Variants in GRIK4 observed in about 807,000 individuals in gnomAD.
GRIK4 encodes glutamate receptor ionotropic, kainate 4.
In GRIK4, 40 loss-of-function variants were observed where a neutral mutation model predicts 104.9. The ratio of observed to expected loss-of-function variants is 0.38; its 90% CI spans 0.30 to 0.50. The LOEUF is 0.50. Ranked by LOEUF, GRIK4 falls within the 20% of genes least tolerant of loss-of-function variation. The pLI is 0.93. For synonymous variants in GRIK4, 485 were observed against 524.9 expected, an observed-to-expected ratio of 0.92 and a Z score of 1.04; for missense variants, 1,047 against 1,308.1, an observed-to-expected ratio of 0.80 and a Z score of 3.08.
intron 19 of GRIK4, among the ~76,000 whole-genome samples, chr11:120,973,628 C>T (rs1591349746): frequency 6.6e-6 from 1 of 152,188 alleles, no homozygotes; most frequent in African/African-American, 2.4e-5. Context: ...CAGCTACTGT[C>T]CCAGCCATAG....
intron 14 of GRIK4, among the ~76,000 whole-genome samples, chr11:120,947,472 T>C (rs115153328): frequency 5.9e-5 from 9 of 152,088 alleles, no homozygotes; most frequent in African/African-American, 2.2e-4. Context: ...GCTGGATATA[T>C]TACCCGCTTT....
At chr11:120,885,739 C>A (rs990916265) in intron 11 of GRIK4, among the ~76,000 whole-genome samples, 2 of 152,162 alleles carry the variant, frequency 1.3e-5, no homozygotes, top group Admixed American at 6.5e-5. Flanking sequence ...GAAAGGAGAT[C>A]TGAGCATCCT....
rs1455798350 is a variant in GRIK4 at position 120,905,259 on chromosome 11, T to C, written c.1273-31T>C. ...CGCGGGTGAGACACCAGGGCTAAGA[T>C]GAGAATGACAGCTGCCCAGTTTTGC... On this transcript the variant is annotated intron_variant, in intron 12 of 20. Coordinates refer to ENST00000527524, the MANE Select transcript of GRIK4 (RefSeq NM_014619.5). The surrounding 1 kb of genome is among the most constrained non-coding windows in gnomAD (Gnocchi z 5.1). 7 of 1,516,318 alleles carry C rather than the reference T, an allele frequency of 4.6e-6. No homozygotes were observed. The highest frequency in any genetic ancestry group is 5.5e-6 in the Non-Finnish European group (6 of 1,091,644). The allele number at this position is 1,516,318 out of a possible 1,614,324, so 93.9% of individuals were successfully genotyped here. A position where few individuals can be genotyped will look rare whatever the true frequency, so the allele number is the denominator to read the frequency against.
rs113650506 is a variant in GRIK4, at chr11:120,967,190, C to T, written c.2267-5C>T. The T allele has an allele frequency of 4.7e-4, 765 of 1,612,002 alleles. No individual in the cohort carries two copies. The highest frequency in any genetic ancestry group is 6.2e-4 in the Non-Finnish European group (729 of 1,178,918). On this transcript the variant is annotated splice_region_variant and splice_polypyrimidine_tract_variant and intron_variant, in intron 18 of 20. Coordinates refer to ENST00000527524, the MANE Select transcript of GRIK4 (RefSeq NM_014619.5). The surrounding 1 kb of genome is among the most constrained non-coding windows in gnomAD (Gnocchi z 4.2). Reference sequence around the variant, plus strand: ...GTGTCCTGGGCTCTCCCGTAACCCCCGCAGGCTCGGTTTTCCGGGACGAGT... The same window carrying T: ...GTGTCCTGGGCTCTCCCGTAACCCCTGCAGGCTCGGTTTTCCGGGACGAGT...
At chr11:120,777,532 A>G (rs968110723) in intron 3 of GRIK4, among the ~76,000 whole-genome samples, 23 of 152,258 alleles carry the variant, frequency 1.5e-4, no homozygotes, top group African/African-American at 5.5e-4. Context: ...GGGGCACAGC[A>G]GTAAACAAAA....
chr11:120,584,732 G>A (rs1565561111), intron 1 of GRIK4, among the ~76,000 whole-genome samples: 1 of 152,202 alleles, frequency 6.6e-6, no homozygotes, highest in Non-Finnish European at 1.5e-5. Flanking sequence ...TTTGAGGTAT[G>A]TTCCTTCAGT....
intron 11 of GRIK4, among the ~76,000 whole-genome samples, chr11:120,886,256 T>C (rs1955117024): frequency 1.3e-5 from 2 of 152,248 alleles, no homozygotes. Context: ...GCTCTCATAC[T>C]GTAAACAAGT....
chr11:120,768,971 T>C (rs1951890806), intron 3 of GRIK4, among the ~76,000 whole-genome samples: 1 of 152,220 alleles, frequency 6.6e-6, no homozygotes, highest in Non-Finnish European at 1.5e-5. Flanking sequence ...TTTATATTAA[T>C]GTTAATTAGA....
At chr11:120,824,215 T>C (rs149516634) in intron 6 of GRIK4, among the ~76,000 whole-genome samples, 20 of 152,346 alleles carry the variant, frequency 1.3e-4, no homozygotes, top group Admixed American at 3.9e-4. Context: ...AGATTGTATA[T>C]TACATTATTT....
Position 120,985,984 on chromosome 11 carries a change from C to T in GRIK4, c.2595C>T (p.Arg865=). 2 of 1,532,360 alleles carry T rather than the reference C, an allele frequency of 1.3e-6. No individual in the cohort carries two copies. The highest frequency in any genetic ancestry group is 1.8e-6 in the Non-Finnish European group (2 of 1,139,900). 94.9% of individuals were successfully genotyped at this position (1,532,360 alleles called of 1,614,324 possible). A position where few individuals can be genotyped will look rare whatever the true frequency, so the allele number is the denominator to read the frequency against. The stretch of plus-strand genomic sequence containing the variant: ...ACAGTATCCACCCCCGCCGGCGGCG[C>T]GCCGCAGTCCCGCCGCCCCGGCCCC... ...CQDSIHPRRR[R]AAVPPPRPPI... The change falls in exon 21 of 21, where the codon CGC becomes CGT. Residue 865 remains arginine, a synonymous_variant. Transcript: ENST00000527524.
intron 11 of GRIK4, among the ~76,000 whole-genome samples, chr11:120,892,688 T>A (rs551791851): frequency 6.6e-6 from 1 of 152,238 alleles, no homozygotes; most frequent in East Asian, 1.9e-4. Context: ...CCAGCTTGCT[T>A]ATATTGACCT....
chr11:120,584,294 G>C (rs1480191232), intron 1 of GRIK4, among the ~76,000 whole-genome samples: 1 of 152,092 alleles, frequency 6.6e-6, no homozygotes, highest in African/African-American at 2.4e-5. Context: ...GACTGTATTA[G>C]GCCATTCTTG....
chr11:120,957,506 C>T (rs1207861640), intron 16 of GRIK4, among the ~76,000 whole-genome samples: 1 of 151,940 alleles, frequency 6.6e-6, no homozygotes, highest in Non-Finnish European at 1.5e-5. Context: ...TGGGAAAGCT[C>T]TTTGAAAACT....
intron 13 of GRIK4, among the ~76,000 whole-genome samples, chr11:120,932,159 T>A (rs1294891619): frequency 6.5e-5 from 2 of 30,918 alleles, no homozygotes; most frequent in African/African-American, 2.0e-4. Context: ...ATTTTACAAT[T>A]TTTTTTTTTT....
intron 8 of GRIK4, chr11:120,859,497 A>G (rs1954203937): frequency 6.6e-6 from 1 of 152,176 alleles, no homozygotes; most frequent in African/African-American, 2.4e-5. Context: ...ATGAGCCTTC[A>G]TCCATCGGGC....
intron 19 of GRIK4, 137 bp from the exon 20 acceptor site, chr11:120,981,969 C>G (rs1254487788): frequency 2.9e-6 from 2 of 682,730 alleles, no homozygotes; most frequent in East Asian, 2.5e-5. Context: ...GTCTACATGT[C>G]AAGTAGATGC....
At chr11:120,907,963 T>C (rs1942906190) in intron 13 of GRIK4, among the ~76,000 whole-genome samples, 1 of 152,126 alleles carries the variant, frequency 6.6e-6, no homozygotes, top group Admixed American at 6.5e-5. Context: ...TCCAGGATGT[T>C]CCCCTAGGAT....
intron 8 of GRIK4, among the ~76,000 whole-genome samples, chr11:120,841,962 C>T (rs1430253568): frequency 2.0e-5 from 3 of 152,170 alleles, no homozygotes; most frequent in Middle Eastern, 3.2e-3. Context: ...CACATCCTTA[C>T]AATCAGTCAG....
chr11:120,878,322 G>A (rs117343858), intron 11 of GRIK4, among the ~76,000 whole-genome samples: 1,844 of 152,246 alleles, frequency 0.012, 14 homozygotes, highest in Non-Finnish European at 0.019. Context: ...CCAGGAATCC[G>A]CATAATTTTA....
Sources: allele counts gnomAD v4.1 joint callset (sites outside exome capture counted in the v4.1 genomes callset), GRCh38; gene constraint gnomAD v4.1.1; non-coding constraint Gnocchi (gnomAD v3.1); transcripts MANE v1.5; gene names NCBI Gene and HGNC (gene_info 2026-07-23, HGNC 2026-07-21).